CUX1: variants seen among roughly 807,000 people sequenced by gnomAD.
CUX1 encodes cut like homeobox 1.
Under a neutral mutation model 158.8 loss-of-function variants are expected in CUX1, and 31 were observed. That is an observed-to-expected ratio of 0.20 (90% CI 0.15 to 0.26). The LOEUF (loss-of-function observed/expected upper bound fraction) is 0.26, where lower values mean the gene tolerates loss of function less well. CUX1 is among the 10% of genes least tolerant of loss of function. CUX1 has a pLI of 1.00. For missense variants in CUX1, 1,589 were observed against 2,014.6 expected (o/e 0.79, Z 4.04); for synonymous variants, 879 against 862.1 (o/e 1.02, Z -0.34).
intron 23 of CUX1, among the ~76,000 whole-genome samples, chr7:102,241,437 C>T (rs1314180506): frequency 2.6e-5 from 4 of 152,088 alleles, no homozygotes; most frequent in African/African-American, 4.8e-5. Context: ...GGTCACCCTA[C>T]GTAGGTCTAG....
chr7:102,052,679 G>A (rs976798682), intron 3 of CUX1, among the ~76,000 whole-genome samples: 2 of 152,182 alleles, frequency 1.3e-5, no homozygotes, highest in Non-Finnish European at 2.9e-5. Context: ...CTGAGTAATA[G>A]GGTAACTCTA....
chr7:102,264,298 G>A (rs1790646251), intron 14 of CUX1, among the ~76,000 whole-genome samples: 1 of 152,124 alleles, frequency 6.6e-6, no homozygotes, highest in Non-Finnish European at 1.5e-5. Flanking sequence ...GAGCCATCGC[G>A]CCCAGCCCAG....
intron 2 of CUX1, among the ~76,000 whole-genome samples, chr7:101,952,225 A>G (rs1441726070): frequency 1.3e-5 from 2 of 152,228 alleles, no homozygotes; most frequent in Non-Finnish European, 2.9e-5. Context: ...TCTACAAAAA[A>G]AAATACAAAA....
At chr7:102,021,615 T>TC (rs1491327988) in intron 2 of CUX1, among the ~76,000 whole-genome samples, 390 of 24,196 alleles carry the variant, frequency 0.016, 4 homozygotes, top group African/African-American at 0.052. Flanking sequence ...TTTTTTTCTC[T>TC]TTTTTTTTTT....
At chr7:102,103,748 CTTT>C (rs35709807) in intron 5 of CUX1, among the ~76,000 whole-genome samples, 37 of 145,386 alleles carry the variant, frequency 2.5e-4, no homozygotes, top group African/African-American at 9.1e-4. Flanking sequence ...AGACTTTCAT[CTTT>C]TTTTTTTTTT....
chr7:102,086,522 C>T (rs939363662), intron 4 of CUX1, among the ~76,000 whole-genome samples: 1 of 151,798 alleles, frequency 6.6e-6, no homozygotes, highest in Non-Finnish European at 1.5e-5. Flanking sequence ...GAAAAGTGAG[C>T]TCTGTTTAGT....
At chr7:101,817,411 C>T (rs1791973365), upstream of CUX1, 1 of 984,508 alleles carries the variant, frequency 1.0e-6, no homozygotes, top group Non-Finnish European at 1.2e-6. This position sits in a 1 kb window ranked among gnomAD's most constrained non-coding sequence, Gnocchi z 4.1. Flanking sequence ...CCCCGGGGGC[C>T]CGTTGGGACC....
At position 102,143,700 on chromosome 7, in the gene CUX1, G is replaced by A. The variant is rs1043428265; in HGVS notation, c.675-14860G>A. ...TTGGCAAGTGGGTAAACGGGATTCCGGGAAGGTAACTGTCTTGACTAAAGT... is the reference window on the plus strand; with the variant it reads ...TTGGCAAGTGGGTAAACGGGATTCCAGGAAGGTAACTGTCTTGACTAAAGT... On this transcript the variant is annotated intron_variant, in intron 8 of 23. Coordinates refer to ENST00000292535, the MANE Select transcript of CUX1 (RefSeq NM_181552.4). Among the ~76,000 whole-genome samples, 10 of 152,152 alleles carry A rather than the reference G, an allele frequency of 6.6e-5. 1 individual carries two copies. Among genetic ancestry groups the A allele is most frequent in the African/African-American group, 9.7e-5 (4 of 41,442 alleles).
intron 1 of CUX1, among the ~76,000 whole-genome samples, chr7:101,868,823 TCG>T (rs1168114400): frequency 6.6e-6 from 1 of 151,882 alleles, no homozygotes; most frequent in Non-Finnish European, 1.5e-5. Flanking sequence ...GGGCCATTTG[TCG>T]TGGGGGGATG....
In CUX1 at chr7:102,223,836, G is replaced by A. The variant is rs146850019; in HGVS notation, c.3131-3531G>A. On this transcript the variant is annotated intron_variant, in intron 20 of 23. Coordinates refer to ENST00000292535, the MANE Select transcript of CUX1 (RefSeq NM_181552.4). The stretch of plus-strand genomic sequence containing the variant: ...ATACAAAAATTACCTGGGCTTGGTG[G>A]CACGAACCTGTAATCCCAGCTACTC... Among the ~76,000 whole-genome samples, 69 of 152,234 alleles carry A rather than the reference G, an allele frequency of 4.5e-4. 1 individual carries two copies. In the East Asian group the frequency reaches 0.012, roughly 27 times the overall value.
chr7:102,062,846 T>C (rs1290354639), intron 3 of CUX1, among the ~76,000 whole-genome samples: 2 of 151,962 alleles, frequency 1.3e-5, no homozygotes, highest in African/African-American at 4.8e-5. Flanking sequence ...GGCTCATGCC[T>C]GTAATCCCAG....
Position 102,200,143 on chromosome 7 carries a change from C to T in CUX1, c.2033C>T (p.Ala678Val), listed in dbSNP as rs781981421. Residue 678 changes from alanine (A) to valine (V), a missense_variant, in exon 17 of 24, where the codon GCC (alanine) becomes GTC (valine). Physicochemically the swap from Ala to Val is moderately conservative, Grantham distance 64. This residue lies in a region of CUX1 where 337 missense variants were observed against 409.3 expected (regional missense o/e 0.82). Transcript: ENST00000292535. ...DEAIKSILEQAKRELQVQKTA... is the reference protein window; with the variant it reads ...DEAIKSILEQVKRELQVQKTA... ...GCCATCAAGTCCATCCTAGAGCAAG[C>T]CAAGAGGGAGCTCCAAGTGCAGAAA... 6.2e-7 allele frequency: 1 copy of T among 1,611,868 alleles called. No homozygotes were observed. Among genetic ancestry groups the T allele is most frequent in the Admixed American group, 1.7e-5 (1 of 59,510 alleles).
intron 2 of CUX1, among the ~76,000 whole-genome samples, chr7:102,005,194 C>T (rs547521771): frequency 1.3e-5 from 2 of 152,256 alleles, no homozygotes; most frequent in South Asian, 4.1e-4. Context: ...TCGATAGAGT[C>T]GGAAAGGAAT....
chr7:101,920,804 T>A (rs1278457131), intron 2 of CUX1, among the ~76,000 whole-genome samples: 1 of 152,186 alleles, frequency 6.6e-6, no homozygotes, highest in Non-Finnish European at 1.5e-5. Context: ...GAATTAAGAA[T>A]CAATCGTGGA....
Position 101,937,726 on chromosome 7 carries a change from T to C in CUX1, c.141+21501T>C, listed in dbSNP as rs190326232. ...CGGGGTTTCATCATGTTGGCCAGGG[T>C]GGTCTCGAACTCCTGAGCTCAAGTG... On this transcript the variant is annotated intron_variant, in intron 2 of 23. Transcript: ENST00000292535. Among the ~76,000 whole-genome samples, 625 of 152,170 alleles carry C rather than the reference T, an allele frequency of 4.1e-3. 5 individuals carry two copies. The highest frequency in any genetic ancestry group is 0.014 in the African/African-American group (598 of 41,500).
Position 102,110,492 on chromosome 7 carries a change from G to A in CUX1, c.531-1206G>A, listed in dbSNP as rs1024947772. ...TTCATGTTACGCTCTAGTGTGTTAC[G>A]CATTCGTTCATATTACGCTGTAGTG... On this transcript the variant is annotated intron_variant, in intron 6 of 23. Transcript: ENST00000292535. Among the ~76,000 whole-genome samples, 8 of 152,214 alleles carry A rather than the reference G, an allele frequency of 5.3e-5. 1 individual carries two copies. The South Asian group carries it at 8.3e-4, about 16-fold the overall frequency.
chr7:102,179,817 G>A (rs1554513402), intron 11 of CUX1, among the ~76,000 whole-genome samples: 1 of 152,198 alleles, frequency 6.6e-6, no homozygotes, highest in African/African-American at 2.4e-5. Context: ...GGGGTTCCCT[G>A]CTCTGCCCGG....
At chr7:102,269,081 TACACCACC>T (rs1392506941) in intron 14 of CUX1, among the ~76,000 whole-genome samples, 5 of 151,600 alleles carry the variant, frequency 3.3e-5, no homozygotes, top group Admixed American at 3.3e-4. Context: ...GGACTACAGC[TACACCACC>T]ACACCCAGCT....
intron 2 of CUX1, among the ~76,000 whole-genome samples, chr7:101,973,423 G>A (rs1287135858): frequency 1.3e-5 from 2 of 152,158 alleles, no homozygotes; most frequent in African/African-American, 4.8e-5. Flanking sequence ...TGCAACGCCA[G>A]GACAGTCTGC....
Sources: allele counts gnomAD v4.1 joint callset (sites outside exome capture counted in the v4.1 genomes callset), GRCh38; gene constraint gnomAD v4.1.1; regional missense constraint gnomAD v4.1.1; non-coding constraint Gnocchi (gnomAD v3.1); transcripts MANE v1.5; gene names NCBI Gene and HGNC (gene_info 2026-07-23, HGNC 2026-07-21).